SPOCK3: variants seen among roughly 807,000 people sequenced by gnomAD.
SPOCK3 encodes SPARC (osteonectin), cwcv and kazal like domains proteoglycan 3.
In SPOCK3, 30 loss-of-function variants were observed where a neutral mutation model predicts 56.6. That is an observed-to-expected ratio of 0.53 (90% CI 0.40 to 0.72). SPOCK3 has a LOEUF of 0.72. Ranked by LOEUF, SPOCK3 falls within the 30% of genes least tolerant of loss-of-function variation. The pLI, the probability that SPOCK3 is intolerant of heterozygous loss-of-function variation, is 0.00. For synonymous variants in SPOCK3, 196 were observed against 183.3 expected, an observed-to-expected ratio of 1.07 and a Z score of -0.56; for missense variants, 527 against 530.0, an observed-to-expected ratio of 0.99 and a Z score of 0.06.
chr4:167,041,619 C>T (rs974938611), intron 3 of SPOCK3, among the ~76,000 whole-genome samples: 1 of 152,084 alleles, frequency 6.6e-6, no homozygotes, highest in Non-Finnish European at 1.5e-5. Context: ...GAAAAATACT[C>T]TGAAAATGCT....
chr4:166,921,388 A>G (rs1738467628), intron 4 of SPOCK3, among the ~76,000 whole-genome samples: 1 of 151,050 alleles, frequency 6.6e-6, no homozygotes, highest in Non-Finnish European at 1.5e-5. Flanking sequence ...CAGTGGCACA[A>G]TCTCAGCTCA....
intron 3 of SPOCK3, among the ~76,000 whole-genome samples, chr4:167,030,150 C>T (rs1752133238): frequency 6.7e-6 from 1 of 149,236 alleles, no homozygotes; most frequent in African/African-American, 2.5e-5. Flanking sequence ...TCCATTAATC[C>T]TCAACTATCC....
chr4:167,078,482 C>A (rs1757412017), intron 2 of SPOCK3, among the ~76,000 whole-genome samples: 1 of 151,310 alleles, frequency 6.6e-6, no homozygotes, highest in Non-Finnish European at 1.5e-5. Context: ...GTTGGTTTTG[C>A]AAGATATATA....
chr4:167,226,975 A>G (rs1421607502), intron 2 of SPOCK3, among the ~76,000 whole-genome samples: 2 of 152,172 alleles, frequency 1.3e-5, no homozygotes, highest in Admixed American at 6.6e-5. Flanking sequence ...AAAGAAATAA[A>G]TCTGAACTGT....
chr4:167,220,179 C>T (rs1434087889), intron 2 of SPOCK3, among the ~76,000 whole-genome samples: 2 of 151,894 alleles, frequency 1.3e-5, no homozygotes, highest in Admixed American at 6.6e-5. Context: ...AGTTGTGAAT[C>T]CTAGAATTTA....
chr4:167,003,176 A>T (rs750807703), intron 3 of SPOCK3, among the ~76,000 whole-genome samples: 5 of 152,180 alleles, frequency 3.3e-5, no homozygotes, highest in Non-Finnish European at 5.9e-5. Context: ...GGAACTCAAA[A>T]ATTGATATAC....
chr4:167,185,592 G>A (rs1253369869), intron 2 of SPOCK3, among the ~76,000 whole-genome samples: 1 of 152,084 alleles, frequency 6.6e-6, no homozygotes, highest in East Asian at 1.9e-4. Context: ...CTGCTGTGTG[G>A]GTTCTACTCC....
rs1345774789 is a variant in SPOCK3 at position 166,754,721 on chromosome 4, T to C, written c.718A>G (p.Thr240Ala). ...LLRPERSRFD[T>A]SILPICKDSL... is the part of the protein sequence containing the mutation. The stretch of plus-strand genomic sequence containing the variant: ...TCCTTGCAAATTGGCAAGATGCTGG[T>C]ATCGAATCCTAAAGGCAAAAAAAAG... The change falls in exon 8 of 11, where the codon ACC (threonine) becomes GCC (alanine). Residue 240 changes from threonine to alanine, a missense_variant. Thr to Ala is a moderately conservative substitution (Grantham distance 58, BLOSUM62 0). Coordinates refer to ENST00000357545, the MANE Select transcript of SPOCK3 (RefSeq NM_001040159.2). The C allele has an allele frequency of 6.2e-7, 1 of 1,613,270 alleles. No homozygotes were observed. The highest frequency in any genetic ancestry group is 8.5e-7 in the Non-Finnish European group (1 of 1,179,576).
chr4:166,744,726 C>T (rs1735343180), intron 8 of SPOCK3, among the ~76,000 whole-genome samples: 1 of 151,976 alleles, frequency 6.6e-6, no homozygotes, highest in Non-Finnish European at 1.5e-5. Flanking sequence ...TGCAAGGCAG[C>T]TAAAAACTTT....
chr4:166,811,040 T>C (rs889170946), intron 6 of SPOCK3, among the ~76,000 whole-genome samples: 3 of 151,944 alleles, frequency 2.0e-5, no homozygotes, highest in African/African-American at 7.2e-5. Context: ...TGACCAAAAG[T>C]TTAAAATTTT....
intron 7 of SPOCK3, among the ~76,000 whole-genome samples, chr4:166,785,678 G>C (rs944821216): frequency 6.6e-6 from 1 of 151,900 alleles, no homozygotes; most frequent in Non-Finnish European, 1.5e-5. Flanking sequence ...CACTTTCAAG[G>C]TTCATTGACT....
Position 166,749,308 on chromosome 4 carries a change from TA to T in SPOCK3, c.931+5199del, listed in dbSNP as rs1277795160. ...TACATCTTGGAATACTATGCAGCCATAAAAAAAGATGAGTTCATGTCCTTTG... is the reference window on the plus strand; with the variant it reads ...TACATCTTGGAATACTATGCAGCCATAAAAAAGATGAGTTCATGTCCTTTG... On this transcript the variant is annotated intron_variant, in intron 8 of 10. Coordinates refer to ENST00000357545, the MANE Select transcript of SPOCK3 (RefSeq NM_001040159.2). 2.2e-5 allele frequency among the ~76,000 whole-genome samples: 3 copies of T among 135,010 alleles called. 1 individual carries two copies. Among genetic ancestry groups the T allele is most frequent in the Admixed American group, 1.4e-4 (2 of 14,056 alleles). The allele number at this position is 135,010 out of a possible 152,430, so 88.6% of individuals were successfully genotyped here. A position where few individuals can be genotyped will look rare whatever the true frequency, so the allele number is the denominator to read the frequency against.
At chr4:166,794,786 GC>G (rs1404887285) in intron 6 of SPOCK3, among the ~76,000 whole-genome samples, 1 of 151,428 alleles carries the variant, frequency 6.6e-6, no homozygotes, top group Non-Finnish European at 1.5e-5. Flanking sequence ...GGGATTACAA[GC>G]CCCCGCCACC....
At chr4:166,928,059 T>G (rs1184638183) in intron 4 of SPOCK3, among the ~76,000 whole-genome samples, 2 of 152,124 alleles carry the variant, frequency 1.3e-5, no homozygotes, top group African/African-American at 4.8e-5. Flanking sequence ...TGGCCAAAAC[T>G]CAGAACGCTG....
At chr4:166,931,334 G>T (rs1561023315) in intron 4 of SPOCK3, among the ~76,000 whole-genome samples, 2 of 142,442 alleles carry the variant, frequency 1.4e-5, no homozygotes, top group South Asian at 5.2e-4. Flanking sequence ...TGTGTGTGGG[G>T]GGTGGGGGGG....
intron 3 of SPOCK3, among the ~76,000 whole-genome samples, chr4:167,005,344 G>T (rs1302318390): frequency 6.6e-6 from 1 of 151,742 alleles, no homozygotes; most frequent in Non-Finnish European, 1.5e-5. Flanking sequence ...CGAGTAGCTG[G>T]GACTACAGGC....
chr4:166,785,010 A>AT (rs1202282942), intron 7 of SPOCK3, among the ~76,000 whole-genome samples: 1 of 152,074 alleles, frequency 6.6e-6, no homozygotes, highest in Non-Finnish European at 1.5e-5. Flanking sequence ...CTGCTATGCA[A>AT]TTTTTGGAGA....
intron 6 of SPOCK3, among the ~76,000 whole-genome samples, chr4:166,817,792 T>C (rs1166312849): frequency 6.6e-6 from 1 of 151,932 alleles, no homozygotes; most frequent in Admixed American, 6.6e-5. Flanking sequence ...CAGAGAGAGA[T>C]ATAATACAGA....
At chr4:166,925,035 C>A (rs930038417) in intron 4 of SPOCK3, among the ~76,000 whole-genome samples, 10 of 151,958 alleles carry the variant, frequency 6.6e-5, no homozygotes, top group Admixed American at 1.3e-4. Context: ...TAATCTTGTC[C>A]CACAAATGTC....
Sources: allele counts gnomAD v4.1 joint callset (sites outside exome capture counted in the v4.1 genomes callset), GRCh38; gene constraint gnomAD v4.1.1; transcripts MANE v1.5; gene names NCBI Gene and HGNC (gene_info 2026-07-23, HGNC 2026-07-21).